The following MTOR variants were observed in gnomAD, a reference collection of about 807,000 sequenced individuals.
The protein encoded by MTOR is serine/threonine-protein kinase mTOR.
A neutral mutation model predicts 319.8 loss-of-function variants in MTOR; 70 were observed. The ratio of observed to expected loss-of-function variants is 0.22; its 90% CI spans 0.18 to 0.27. MTOR has a LOEUF of 0.27. Ranked by LOEUF, MTOR falls within the 10% of genes least tolerant of loss-of-function variation. The pLI, the probability that MTOR is intolerant of heterozygous loss-of-function variation, is 1.00. For missense variants in MTOR, 1,890 were observed against 3,274.4 expected (o/e 0.58, Z 10.32); for synonymous variants, 1,183 against 1,211.4 (o/e 0.98, Z 0.49).
chr1:11,172,339 C>T (rs922470068), intron 28 of MTOR, among the ~76,000 whole-genome samples: 1 of 151,072 alleles, frequency 6.6e-6, no homozygotes, highest in African/African-American at 2.4e-5. Flanking sequence ...GGGCAGATCA[C>T]GAGGTCAGGA....
chr1:11,148,280 C>A (rs1375029194), intron 31 of MTOR, among the ~76,000 whole-genome samples: 2 of 152,140 alleles, frequency 1.3e-5, no homozygotes, highest in Non-Finnish European at 2.9e-5. Context: ...GAAACGCCTA[C>A]CTCTAGATTT....
intron 36 of MTOR, among the ~76,000 whole-genome samples, chr1:11,135,585 G>C (rs1390035493): frequency 6.6e-6 from 1 of 152,212 alleles, no homozygotes; most frequent in Non-Finnish European, 1.5e-5. Flanking sequence ...TGTAATCCCA[G>C]CACTTTAGGA....
intron 28 of MTOR, among the ~76,000 whole-genome samples, chr1:11,198,904 A>C (rs1645873478): frequency 1.3e-5 from 2 of 152,238 alleles, no homozygotes; most frequent in Admixed American, 1.3e-4. Context: ...CCCAGGAACC[A>C]GCACATTCTA....
rs544551477 is a variant in MTOR at position 11,199,770 on chromosome 1, C to T, written c.3945-67G>A. Reference sequence around the variant, plus strand: ...CTCTGCCTGCTGCCTCAAAGTCACACCTATCAATTCGCTTTTGGCATCACT... The same window carrying T: ...CTCTGCCTGCTGCCTCAAAGTCACATCTATCAATTCGCTTTTGGCATCACT... On this transcript the variant is annotated intron_variant, in intron 26 of 57. Coordinates refer to ENST00000361445, the MANE Select transcript of MTOR (RefSeq NM_004958.4). The surrounding 1 kb of genome is among the most constrained non-coding windows in gnomAD (Gnocchi z 4.5). The T allele has an allele frequency of 1.4e-4, 222 of 1,552,662 alleles. No homozygotes were observed. Among genetic ancestry groups the T allele is most frequent in the Middle Eastern group, 2.1e-4 (1 of 4,708 alleles).
chr1:11,142,242 T>C (rs568168095), intron 34 of MTOR, among the ~76,000 whole-genome samples: 27 of 151,104 alleles, frequency 1.8e-4, no homozygotes, highest in Non-Finnish European at 2.8e-4. Context: ...AGGCCAGGCA[T>C]GGTGGCTCAT....
intron 28 of MTOR, among the ~76,000 whole-genome samples, chr1:11,196,442 G>A (rs889738555): frequency 1.3e-5 from 2 of 152,094 alleles, no homozygotes; most frequent in African/African-American, 4.8e-5. Context: ...ATTACATCTC[G>A]GATTTAATTT....
At chr1:11,246,541 G>A (rs142596907) in intron 8 of MTOR, among the ~76,000 whole-genome samples, 5 of 152,260 alleles carry the variant, frequency 3.3e-5, no homozygotes, top group African/African-American at 7.2e-5. Flanking sequence ...CACCCAACAC[G>A]TTCTACTTCT....
rs559830460 is a variant in MTOR at position 11,205,104 on chromosome 1, A to C, written c.3802-401T>G. Among the ~76,000 whole-genome samples, 47 of 152,358 alleles carry C rather than the reference A, an allele frequency of 3.1e-4. 1 individual carries two copies. The South Asian group carries it at 9.1e-3, about 30-fold the overall frequency. On this transcript the variant is annotated intron_variant, in intron 25 of 57. Coordinates refer to ENST00000361445, the MANE Select transcript of MTOR (RefSeq NM_004958.4). ...TCACGCAAGAAGAGGGAAAAGGCTC[A>C]GGTTTACACCATAGTGAATCATGTT...
chr1:11,209,179 G>T, intron 25 of MTOR, 133 bp downstream of exon 25: 1 of 1,060,294 alleles, frequency 9.4e-7, no homozygotes, highest in Non-Finnish European at 1.4e-6. Flanking sequence ...AATGATCTAA[G>T]TTCATGGTAT....
intron 34 of MTOR, among the ~76,000 whole-genome samples, chr1:11,142,160 C>G (rs1393742703): frequency 1.3e-5 from 2 of 152,244 alleles, no homozygotes; most frequent in Middle Eastern, 6.8e-3. Context: ...ACCTGAGATT[C>G]TATCAGCAAA....
At chr1:11,222,192 T>A (rs192781275) in intron 19 of MTOR, among the ~76,000 whole-genome samples, 2,801 of 151,818 alleles carry the variant, frequency 0.018, 83 homozygotes, top group African/African-American at 0.065. Context: ...AAAATTTATT[T>A]AAAAAAAATT....
rs1329245572 is a variant in MTOR, at chr1:11,130,590, C to G, written c.5552G>C (p.Ser1851Thr). The part of the protein sequence containing the change: ...TASTEGSNSE[S>T]EAESTENSPT... Reference sequence around the variant, plus strand: ...GCTGTTCTCGGTGCTCTCGGCCTCGCTCTCACTGTTGCTGCCCTCGGTGCT... The same window carrying G: ...GCTGTTCTCGGTGCTCTCGGCCTCGGTCTCACTGTTGCTGCCCTCGGTGCT... Residue 1851 changes from serine (S) to threonine (T), a missense_variant, in exon 39 of 58, where the codon AGC becomes ACC. Ser to Thr is a moderately conservative substitution (Grantham distance 58). Transcript: ENST00000361445. 1.9e-6 allele frequency: 3 copies of G among 1,613,752 alleles called. No individual in the cohort carries two copies. Among genetic ancestry groups the G allele is most frequent in the African/African-American group, 1.3e-5 (1 of 74,910 alleles).
In MTOR at chr1:11,248,011, T is replaced by C; in HGVS notation, c.924A>G (p.Thr308=). Reference sequence around the variant, plus strand: ...TGAAGGGGGTAATGTGACGAGGTTTTGTTCCGAAGCCCATGAGATCTTTGC... The same window carrying C: ...TGAAGGGGGTAATGTGACGAGGTTTCGTTCCGAAGCCCATGAGATCTTTGC... ...KYCKDLMGFG[T]KPRHITPFTS... Residue 308 remains threonine (T), a synonymous_variant, in exon 7 of 58, where the codon ACA becomes ACG. Coordinates refer to ENST00000361445, the MANE Select transcript of MTOR (RefSeq NM_004958.4). 1.2e-6 allele frequency: 2 copies of C among 1,614,208 alleles called. No individual in the cohort carries two copies. The highest frequency in any genetic ancestry group is 1.7e-6 in the Non-Finnish European group (2 of 1,180,042).
chr1:11,157,656 C>T (rs1485563409), intron 29 of MTOR, among the ~76,000 whole-genome samples: 1 of 152,112 alleles, frequency 6.6e-6, no homozygotes, highest in African/African-American at 2.4e-5. Flanking sequence ...TCGACCAGAG[C>T]ACCAGAGCTG....
At chr1:11,225,720 C>T (rs1646814315) in intron 19 of MTOR, among the ~76,000 whole-genome samples, 1 of 152,090 alleles carries the variant, frequency 6.6e-6, no homozygotes, top group Admixed American at 6.6e-5. Context: ...CCGCACCTGG[C>T]CGATAGTTGC....
chr1:11,187,033 T>TAAAAGGGACTGTTACATGGGGTACA (rs1489011776), intron 28 of MTOR, among the ~76,000 whole-genome samples: 7 of 152,224 alleles, frequency 4.6e-5, no homozygotes, highest in African/African-American at 1.7e-4. Context: ...CTACCTTTCC[T>TAAAAGGGACTGTTACATGGGGTACA]AAAAGGGACT....
Position 11,212,151 on chromosome 1 carries a change from T to C in MTOR, c.3561+161A>G, listed in dbSNP as rs1345712479. 1.3e-5 allele frequency among the ~76,000 whole-genome samples: 2 copies of C among 152,198 alleles called. No individual in the cohort carries two copies. The highest frequency in any genetic ancestry group is 2.9e-5 in the Non-Finnish European group (2 of 68,036). On this transcript the variant is annotated intron_variant, in intron 23 of 57. Transcript: ENST00000361445. This position sits in a 1 kb window ranked among gnomAD's most constrained non-coding sequence, Gnocchi z 4.1. Reference sequence around the variant, plus strand: ...AGAACGGCACTTAGCTCACATAGGTTGCTCAATAAATGTTTGCTGAACACA... The same window carrying C: ...AGAACGGCACTTAGCTCACATAGGTCGCTCAATAAATGTTTGCTGAACACA...
chr1:11,255,779 G>A (rs1031343586), intron 5 of MTOR, among the ~76,000 whole-genome samples: 33 of 151,570 alleles, frequency 2.2e-4, no homozygotes, highest in African/African-American at 7.3e-4. Flanking sequence ...CCCAAGAGGC[G>A]GAGGTTGCAG....
intron 28 of MTOR, among the ~76,000 whole-genome samples, chr1:11,191,590 A>G (rs1473349398): frequency 2.6e-5 from 4 of 152,236 alleles, no homozygotes; most frequent in Non-Finnish European, 5.9e-5. Flanking sequence ...TTTAGAATAC[A>G]GAGCTTAAAT....
Sources: allele counts gnomAD v4.1 joint callset (sites outside exome capture counted in the v4.1 genomes callset), GRCh38; gene constraint gnomAD v4.1.1; non-coding constraint Gnocchi (gnomAD v3.1); transcripts MANE v1.5; gene names NCBI Gene and HGNC (gene_info 2026-07-23, HGNC 2026-07-21).